The following ZNF628 variants were observed in gnomAD, a reference collection of about 807,000 sequenced individuals.
ZNF628 encodes zinc finger protein Zec.
ZNF628 carries 3 observed loss-of-function variants against 2.5 expected under a neutral mutation model. The observed-to-expected ratio is 1.19, with a 90% CI of 0.54 to 3.07. The LOEUF (loss-of-function observed/expected upper bound fraction) is 3.07. Among genes scored for constraint, ZNF628 ranks in the 30% most tolerant of loss-of-function variants. The probability of loss-of-function intolerance (pLI) is 0.03; values close to 1 mark genes in which losing one functional copy is unlikely to be tolerated. For synonymous variants in ZNF628, 861 were observed against 717.1 expected, an observed-to-expected ratio of 1.20 and a Z score of -3.21; for missense variants, 1,610 against 1,517.1, an observed-to-expected ratio of 1.06 and a Z score of -1.02.
At position 55,484,223 on chromosome 19, in the gene ZNF628, G is replaced by A. The variant is rs754322236; in HGVS notation, c.3030G>A (p.Ser1010=). 447 of 1,547,426 alleles carry A rather than the reference G, an allele frequency of 2.9e-4. 1 individual carries two copies. Among genetic ancestry groups the A allele is most frequent in the Non-Finnish European group, 1.1e-4 (124 of 1,145,876 alleles). Residue 1010 remains serine (S), a synonymous_variant, in exon 3 of 3, where the codon TCG becomes TCA. Coordinates refer to ENST00000598519, the MANE Select transcript of ZNF628 (RefSeq NM_033113.3). The part of the protein sequence containing the change: ...LLAPPPSGPA[S]GPAGLPGAPA... ...CCCCACCGCCGTCAGGCCCAGCCTC[G>A]GGCCCCGCGGGGCTCCCCGGGGCTC...
Position 55,481,781 on chromosome 19 carries a change from C to T in ZNF628, c.588C>T (p.Arg196=), listed in dbSNP as rs1301642162. Reference sequence around the variant, plus strand: ...GCACCAACCTGCGGCAGCACCAGCGCGTGCACACGGGCGAGCGGCCCTTCC... The same window carrying T: ...GCACCAACCTGCGGCAGCACCAGCGTGTGCACACGGGCGAGCGGCCCTTCC... ...TQSTNLRQHQ[R]VHTGERPFRC... The change falls in exon 3 of 3, where the codon CGC becomes CGT. Residue 196 remains arginine, a synonymous_variant. Coordinates refer to ENST00000598519, the MANE Select transcript of ZNF628 (RefSeq NM_033113.3). 1.9e-6 allele frequency: 3 copies of T among 1,606,686 alleles called. No individual in the cohort carries two copies. The African/African-American group carries it at 4.0e-5, about 22-fold the overall frequency.
Position 55,483,861 on chromosome 19 carries a change from C to G in ZNF628, c.2668C>G (p.Leu890Val). The G allele has an allele frequency of 6.2e-7, 1 of 1,611,936 alleles. No homozygotes were observed. Among genetic ancestry groups the G allele is most frequent in the Non-Finnish European group, 8.5e-7 (1 of 1,179,026 alleles). Residue 890 changes from leucine (L) to valine (V), a missense_variant, in exon 3 of 3, where the codon CTG becomes GTG. Leu to Val is a conservative substitution (Grantham distance 32). Transcript: ENST00000598519. Reference protein sequence around the residue: ...GAVATEAPNLLVVQSGAAEEL... With the variant: ...GAVATEAPNLVVVQSGAAEEL... ...TGTGGCTACTGAGGCACCCAACCTG[C>G]TGGTTGTTCAGAGCGGGGCAGCTGA...
chr19:55,484,449 C>T lies in ZNF628; in HGVS notation c.*76C>T. ...CCAGCCGGGGCGGGGCAGGGTGCCG[C>T]AGGCTGGGCTTGCTAATAAAGACCC... On this transcript the variant is annotated 3_prime_UTR_variant, in exon 3 of 3. Coordinates refer to ENST00000598519, the MANE Select transcript of ZNF628 (RefSeq NM_033113.3). The T allele has an allele frequency of 1.5e-6, 2 of 1,307,416 alleles. No individual in the cohort carries two copies. Among genetic ancestry groups the T allele is most frequent in the East Asian group, 2.7e-5 (1 of 37,100 alleles). 81.0% of individuals were successfully genotyped at this position (1,307,416 alleles called of 1,614,324 possible). A position where few individuals can be genotyped will look rare whatever the true frequency, so the allele number is the denominator to read the frequency against.
Position 55,483,462 on chromosome 19 carries a change from G to T in ZNF628, c.2269G>T (p.Ala757Ser). 1 of 1,516,724 alleles carries T rather than the reference G, an allele frequency of 6.6e-7. No individual in the cohort carries two copies. The highest frequency in any genetic ancestry group is 8.8e-7 in the Non-Finnish European group (1 of 1,135,400). 94.0% of individuals were successfully genotyped at this position (1,516,724 alleles called of 1,614,324 possible). ...CAGTGCTGGGGCTGGGGGCGGCCGT[G>T]CAAGGCAGGGCCCGCGGGCAGTGGG... is the stretch of plus-strand genomic sequence containing the variant. Reference protein sequence around the residue: ...SSSAGAGGGRARQGPRAVGKA... With the variant: ...SSSAGAGGGRSRQGPRAVGKA... The change falls in exon 3 of 3, where the codon GCA (alanine) becomes TCA (serine). Residue 757 changes from alanine (A) to serine (S), a missense_variant. Coordinates refer to ENST00000598519, the MANE Select transcript of ZNF628 (RefSeq NM_033113.3).
At position 55,484,121 on chromosome 19, in the gene ZNF628, C is replaced by T. The variant is rs1458771802; in HGVS notation, c.2928C>T (p.Ile976=). ...GCCCACCCGGACAGAAACTCCTCAT[C>T]ATCCGCAGCGCCCCAGCCACTGAGC... The part of the protein sequence containing the change: ...ATGPPGQKLL[I]IRSAPATELL... Residue 976 remains isoleucine, a synonymous_variant, in exon 3 of 3, where the codon ATC becomes ATT. Coordinates refer to ENST00000598519, the MANE Select transcript of ZNF628 (RefSeq NM_033113.3). 6.3e-7 allele frequency: 1 copy of T among 1,590,016 alleles called. No individual in the cohort carries two copies.
In ZNF628 at chr19:55,481,376, G is replaced by T. The variant is rs1231298187; in HGVS notation, c.183G>T (p.Glu61Asp). The T allele has an allele frequency of 6.2e-7, 1 of 1,612,942 alleles. No homozygotes were observed. Among genetic ancestry groups the T allele is most frequent in the Admixed American group, 1.7e-5 (1 of 59,954 alleles). Residue 61 changes from glutamate to aspartate, a missense_variant, in exon 3 of 3, where the codon GAG (glutamate) becomes GAT (aspartate). By Grantham distance (45) the Glu-to-Asp change is conservative. Coordinates refer to ENST00000598519, the MANE Select transcript of ZNF628 (RefSeq NM_033113.3). Reference protein sequence around the residue: ...LLHHQRTHTGERPYKCPDCPK... With the variant: ...LLHHQRTHTGDRPYKCPDCPK... Reference sequence around the variant, plus strand: ...ACCACCAGCGCACGCACACAGGCGAGCGGCCCTACAAGTGCCCAGACTGCC... The same window carrying T: ...ACCACCAGCGCACGCACACAGGCGATCGGCCCTACAAGTGCCCAGACTGCC...
In ZNF628 at chr19:55,483,419, C is replaced by G. The variant is rs1006906004; in HGVS notation, c.2226C>G (p.Leu742=). ...CGCCCCCTCCCGCACCTCCCAAGCTCATCCTGCTGCCCTCCTCCAGTGCTG... is the reference window on the plus strand; with the variant it reads ...CGCCCCCTCCCGCACCTCCCAAGCTGATCCTGCTGCCCTCCTCCAGTGCTG... ...TPPPPPAPPK[L]ILLPSSSAGA... is the part of the protein sequence containing the mutation. Residue 742 remains leucine, a synonymous_variant, in exon 3 of 3, where the codon CTC becomes CTG. Coordinates refer to ENST00000598519, the MANE Select transcript of ZNF628 (RefSeq NM_033113.3). 3 of 1,522,672 alleles carry G rather than the reference C, an allele frequency of 2.0e-6. No individual in the cohort carries two copies. The highest frequency in any genetic ancestry group is 4.2e-5 in the Admixed American group (2 of 47,200). The allele number at this position is 1,522,672 out of a possible 1,614,324, so 94.3% of individuals were successfully genotyped here.
chr19:55,482,382 C>A lies in ZNF628; in HGVS notation c.1189C>A (p.Gln397Lys). The A allele has an allele frequency of 7.0e-7, 1 of 1,422,220 alleles. No individual in the cohort carries two copies. The highest frequency in any genetic ancestry group is 3.1e-5 in the East Asian group (1 of 32,338). 88.1% of individuals were successfully genotyped at this position (1,422,220 alleles called of 1,614,324 possible). The change falls in exon 3 of 3, where the codon CAG (glutamine) becomes AAG (lysine). Residue 397 changes from glutamine (Q) to lysine (K), a missense_variant. Coordinates refer to ENST00000598519, the MANE Select transcript of ZNF628 (RefSeq NM_033113.3). ...RCGSCDGSFP[Q>K]LASLLAHQQC... ...CGGCAGCTGCGACGGCTCCTTCCCG[C>A]AGCTGGCCAGCCTCCTGGCGCATCA...
chr19:55,481,509 C>G lies in ZNF628; in HGVS notation c.316C>G (p.Leu106Val), dbSNP rs781110442. The change falls in exon 3 of 3, where the codon CTG becomes GTG. Residue 106 changes from leucine to valine, a missense_variant. By Grantham distance (32) the Leu-to-Val change is conservative. Coordinates refer to ENST00000598519, the MANE Select transcript of ZNF628 (RefSeq NM_033113.3). Reference protein sequence around the residue: ...DCPKAFKRSSLLQIHRSVHTG... With the variant: ...DCPKAFKRSSVLQIHRSVHTG... ...TCCCAAGGCCTTCAAGCGCTCCTCTCTGCTGCAGATCCACCGTAGCGTGCA... is the reference window on the plus strand; with the variant it reads ...TCCCAAGGCCTTCAAGCGCTCCTCTGTGCTGCAGATCCACCGTAGCGTGCA... 4 of 1,610,618 alleles carry G rather than the reference C, an allele frequency of 2.5e-6. No individual in the cohort carries two copies. The South Asian group carries it at 4.4e-5, about 18-fold the overall frequency.
Position 55,481,535 on chromosome 19 carries a change from C to T in ZNF628, c.342C>T (p.His114=), listed in dbSNP as rs1986700183. ...SSLLQIHRSV[H]TGLRAFICGQ... ...TGCTGCAGATCCACCGTAGCGTGCA[C>T]ACCGGCCTGCGGGCCTTCATCTGCG... Residue 114 remains histidine (H), a synonymous_variant, in exon 3 of 3, where the codon CAC becomes CAT. Coordinates refer to ENST00000598519, the MANE Select transcript of ZNF628 (RefSeq NM_033113.3). 2 of 1,613,458 alleles carry T rather than the reference C, an allele frequency of 1.2e-6. No homozygotes were observed. Among genetic ancestry groups the T allele is most frequent in the East Asian group, 2.2e-5 (1 of 44,840 alleles).
rs143798056 is a variant in ZNF628 at position 55,482,806 on chromosome 19, A to G, written c.1613A>G (p.Tyr538Cys). 1 of 1,610,646 alleles carries G rather than the reference A, an allele frequency of 6.2e-7. No individual in the cohort carries two copies. The highest frequency in any genetic ancestry group is 8.5e-7 in the Non-Finnish European group (1 of 1,178,352). ...HLRLHSGERP[Y>C]ACGECGKAFR... ...CGGCTGCACTCTGGCGAGCGGCCCT[A>G]CGCCTGCGGGGAGTGTGGCAAGGCC... Residue 538 changes from tyrosine (Y) to cysteine (C), a missense_variant, in exon 3 of 3, where the codon TAC (tyrosine) becomes TGC (cysteine). Transcript: ENST00000598519.
At position 55,482,192 on chromosome 19, in the gene ZNF628, C is replaced by G; in HGVS notation, c.999C>G (p.Pro333=). 1 of 1,490,418 alleles carries G rather than the reference C, an allele frequency of 6.7e-7. No individual in the cohort carries two copies. The highest frequency in any genetic ancestry group is 8.9e-7 in the Non-Finnish European group (1 of 1,125,630). 92.3% of individuals were successfully genotyped at this position (1,490,418 alleles called of 1,614,324 possible). Residue 333 remains proline, a synonymous_variant, in exon 3 of 3, where the codon CCC becomes CCG. Coordinates refer to ENST00000598519, the MANE Select transcript of ZNF628 (RefSeq NM_033113.3). The stretch of plus-strand genomic sequence containing the variant: ...CCCAGGAGGCACCCGCCGAGGCGCC[C>G]AAGGCCGACCAGCCACCGTCCCCTC... ...PQPQEAPAEA[P]KADQPPSPLP...
Position 55,482,433 on chromosome 19 carries a change from G to T in ZNF628, c.1240G>T (p.Ala414Ser). 1 of 1,353,380 alleles carries T rather than the reference G, an allele frequency of 7.4e-7. No homozygotes were observed. The highest frequency in any genetic ancestry group is 9.5e-7 in the Non-Finnish European group (1 of 1,057,260). 83.8% of individuals were successfully genotyped at this position (1,353,380 alleles called of 1,614,324 possible). A position where few individuals can be genotyped will look rare whatever the true frequency, so the allele number is the denominator to read the frequency against. ...GCAGTGCCACGTGGAAGAGGCCGCG[G>T]CCGGGCGCCCGCCCCCGCAGGCTGA... ...HQQCHVEEAA[A>S]GRPPPQAEAA... Residue 414 changes from alanine to serine, a missense_variant, in exon 3 of 3, where the codon GCC becomes TCC. Ala to Ser is a moderately conservative substitution (Grantham distance 99, BLOSUM62 1). This residue lies in a region of ZNF628 where 651 missense variants were observed against 575.6 expected (regional missense o/e 1.13). Transcript: ENST00000598519.
chr19:55,483,738 C>A lies in ZNF628; in HGVS notation c.2545C>A (p.Gln849Lys). ...GACCACAGTCCAGCTCCAGCCAGCA[C>A]AGGAAGTAACCACGGTCCAGCTCCA... Reference protein sequence around the residue: ...EVTTVQLQPAQEVTTVQLQPA... With the variant: ...EVTTVQLQPAKEVTTVQLQPA... The change falls in exon 3 of 3, where the codon CAG (glutamine) becomes AAG (lysine). Residue 849 changes from glutamine (Q) to lysine (K), a missense_variant. Around this residue, in one of 5 missense-constraint regions of ZNF628, gnomAD observed 712 missense variants for 603.6 expected, o/e 1.18. Transcript: ENST00000598519. 1.2e-6 allele frequency: 2 copies of A among 1,612,592 alleles called. No individual in the cohort carries two copies. The highest frequency in any genetic ancestry group is 1.7e-6 in the Non-Finnish European group (2 of 1,179,158).
In ZNF628 at chr19:55,483,273, G is replaced by A; in HGVS notation, c.2080G>A (p.Gly694Arg). 6.6e-7 allele frequency: 1 copy of A among 1,520,696 alleles called. No individual in the cohort carries two copies. The allele number at this position is 1,520,696 out of a possible 1,614,324, so 94.2% of individuals were successfully genotyped here. Residue 694 changes from glycine (G) to arginine (R), a missense_variant, in exon 3 of 3, where the codon GGG becomes AGG. Around this residue, in one of 5 missense-constraint regions of ZNF628, gnomAD observed 712 missense variants for 603.6 expected, o/e 1.18. Transcript: ENST00000598519. ...GGCCACGCTCTCCCTCGAGGTGGCGGGGGGCACGGCCCAGGCCCCGAGCTT... is the reference window on the plus strand; with the variant it reads ...GGCCACGCTCTCCCTCGAGGTGGCGAGGGGCACGGCCCAGGCCCCGAGCTT... The part of the protein sequence containing the change: ...LQATLSLEVA[G>R]GTAQAPSLGP...
At chr19:55,480,271 A>G (rs781112918) in intron 2 of ZNF628, among the ~76,000 whole-genome samples, 1,137 of 97,894 alleles carry the variant, frequency 0.012, 5 homozygotes, top group Non-Finnish European at 0.017. Context: ...TTTGAGATGG[A>G]GTCTCTCTCT....
In ZNF628 at chr19:55,482,165, GC is replaced by G; in HGVS notation, c.976del (p.Gln326ArgfsTer101). The G allele has an allele frequency of 6.7e-7, 1 of 1,496,362 alleles. No individual in the cohort carries two copies. The highest frequency in any genetic ancestry group is 8.9e-7 in the Non-Finnish European group (1 of 1,127,502). The allele number at this position is 1,496,362 out of a possible 1,614,324, so 92.7% of individuals were successfully genotyped here. On this transcript the variant is annotated frameshift_variant, in exon 3 of 3. Coordinates refer to ENST00000598519, the MANE Select transcript of ZNF628 (RefSeq NM_033113.3). LOFTEE classifies it low-confidence loss of function (END_TRUNC). ...GCCCCGGGCCCGATGCGGCGCCCCA[GC>G]CCCAGGAGGCACCCGCCGAGGCGCC... ...PCPGPDAAPQ[P>X]QEAPAEAPKA...
chr19:55,476,870 TGGGGCGGGGGGG>T (rs1225123202), intron 1 of ZNF628, 63 bp downstream of exon 1: 3 of 3,712 alleles, frequency 8.1e-4, no homozygotes, highest in Admixed American at 3.1e-3. Context: ...TTGCAGGGGG[TGGGGCGGGGGGG>T]GGGGCGTGAA....
In ZNF628 at chr19:55,479,982, G is replaced by A. The variant is rs1412588467; in HGVS notation, c.7+65G>A. ...GTGAGCCAGGGAGGGTGATGGTGAG[G>A]GGGCCGCAGATTTTGTGGGCTTGAA... On this transcript the variant is annotated intron_variant, in intron 2 of 2. Transcript: ENST00000598519. This position sits in a 1 kb window ranked among gnomAD's most constrained non-coding sequence, Gnocchi z 5.1. The A allele has an allele frequency of 2.5e-6, 1 of 398,920 alleles. No individual in the cohort carries two copies. Among genetic ancestry groups the A allele is most frequent in the Non-Finnish European group, 4.4e-6 (1 of 226,122 alleles). 24.7% of individuals were successfully genotyped at this position (398,920 alleles called of 1,614,324 possible).
Sources: allele counts gnomAD v4.1 joint callset (sites outside exome capture counted in the v4.1 genomes callset), GRCh38; gene constraint gnomAD v4.1.1; regional missense constraint gnomAD v4.1.1; non-coding constraint Gnocchi (gnomAD v3.1); transcripts MANE v1.5; gene names NCBI Gene and HGNC (gene_info 2026-07-23, HGNC 2026-07-21).